Variants in CRB1 observed in about 807,000 individuals in gnomAD.
The protein encoded by CRB1 is crumbs cell polarity complex component 1.
A neutral mutation model predicts 120.0 loss-of-function variants in CRB1; 83 were observed. The observed-to-expected ratio is 0.69, with a 90% CI of 0.58 to 0.83. The LOEUF (loss-of-function observed/expected upper bound fraction) is 0.83, where lower values mean the gene tolerates loss of function less well. CRB1 is among the 40% of genes least tolerant of loss of function. The pLI is 0.00. For missense variants in CRB1, 1,699 were observed against 1,687.6 expected (o/e 1.01, Z -0.12); for synonymous variants, 625 against 612.5 (o/e 1.02, Z -0.30).
chr1:197,356,780 T>TGG lies in CRB1; in HGVS notation c.989-51_989-50insGG, dbSNP rs1363031705. 3 of 1,595,486 alleles carry TGG rather than the reference T, an allele frequency of 1.9e-6. No homozygotes were observed. The Admixed American group carries it at 5.0e-5, about 27-fold the overall frequency. On this transcript the variant is annotated intron_variant, in intron 4 of 11. Transcript: ENST00000367400. ...TCAACCTCCTTTTAGGCAAATGCTC[T>TGG]ATAATTCAACACCTTTGACTTAGCA... is the stretch of plus-strand genomic sequence containing the variant.
intron 5 of CRB1, among the ~76,000 whole-genome samples, chr1:197,409,979 G>T (rs972783172): frequency 6.6e-6 from 1 of 152,068 alleles, no homozygotes; most frequent in Non-Finnish European, 1.5e-5. Context: ...TAGAGACGGG[G>T]TTTCACCGTG....
At chr1:197,228,305 G>A in the CRB1 span, among the ~76,000 whole-genome samples, 3 of 151,952 alleles carry the variant, frequency 2.0e-5, no homozygotes, top group Admixed American at 1.3e-4. Flanking sequence ...GCTCTTTTTC[G>A]CTTTTGAAAT....
the CRB1 span, among the ~76,000 whole-genome samples, chr1:197,252,637 TACAC>T: frequency 1.7e-5 from 2 of 120,722 alleles, no homozygotes; most frequent in South Asian, 2.8e-4. Context: ...GTGTTTATAT[TACAC>T]ACACACACAC....
At chr1:197,459,168 G>A (rs1032764918) in intron 11 of CRB1, among the ~76,000 whole-genome samples, 1 of 152,086 alleles carries the variant, frequency 6.6e-6, no homozygotes, top group Non-Finnish European at 1.5e-5. Context: ...TTAAGAGAAA[G>A]ATTAGATGAT....
At chr1:197,384,754 A>G (rs1366664875) in intron 5 of CRB1, among the ~76,000 whole-genome samples, 1 of 152,132 alleles carries the variant, frequency 6.6e-6, no homozygotes, top group Non-Finnish European at 1.5e-5. Context: ...TTAATTGTTT[A>G]GCATTTACGG....
chr1:197,427,470 AT>A lies in CRB1; in HGVS notation c.2148del (p.Phe716LeufsTer38). 6.2e-7 allele frequency: 1 copy of A among 1,613,474 alleles called. No individual in the cohort carries two copies. Among genetic ancestry groups the A allele is most frequent in the South Asian group, 1.1e-5 (1 of 91,048 alleles). On this transcript the variant is annotated frameshift_variant, in exon 7 of 12. Transcript: ENST00000367400. LOFTEE classifies it high-confidence loss of function. ...NCLREYVAGR[F>X]GQDDSTGYVI... ...ACATTGAAGAGTATGTGGCAGGCAG[AT>A]TTGGCCAGGATGACTCCACTGGTTA... is the stretch of plus-strand genomic sequence containing the variant.
intron 5 of CRB1, among the ~76,000 whole-genome samples, chr1:197,405,962 G>GC (rs1026705677): frequency 1.3e-5 from 2 of 149,906 alleles, no homozygotes; most frequent in Non-Finnish European, 3.0e-5. Flanking sequence ...GGGGGGGTCA[G>GC]CCCCCCGCCC....
At chr1:197,265,313 TCTTTCTTCCTTCCTTTTGTC>T (rs370289600), upstream of CRB1, among the ~76,000 whole-genome samples, 886 of 151,702 alleles carry the variant, frequency 5.8e-3, 11 homozygotes, top group African/African-American at 0.018. Flanking sequence ...TTCTTTCCTT[TCTTTCTTCCTTCCTTTTGTC>T]CTTTCTTCCT....
At chr1:197,355,429 G>C (rs894845795) in intron 4 of CRB1, among the ~76,000 whole-genome samples, 8 of 152,234 alleles carry the variant, frequency 5.3e-5, no homozygotes, top group African/African-American at 1.9e-4. Context: ...GATGGGACCC[G>C]GCGCCGCGGA....
At chr1:197,415,174 G>A (rs1663913357) in intron 5 of CRB1, among the ~76,000 whole-genome samples, 1 of 152,126 alleles carries the variant, frequency 6.6e-6, no homozygotes, top group African/African-American at 2.4e-5. Flanking sequence ...GCACTTATTT[G>A]CCCACAAAGG....
intron 1 of CRB1, among the ~76,000 whole-genome samples, chr1:197,283,316 T>C (rs964171552): frequency 3.3e-5 from 5 of 151,646 alleles, no homozygotes; most frequent in Non-Finnish European, 1.5e-5. Flanking sequence ...TTAGTGGTGA[T>C]TGTGAGATTT....
chr1:197,217,685 T>C, the CRB1 span, among the ~76,000 whole-genome samples: 8 of 152,158 alleles, frequency 5.3e-5, no homozygotes, highest in African/African-American at 1.9e-4. Context: ...TGGGGAATTA[T>C]TGCTATTGGG....
chr1:197,319,812 A>G (rs763070845), intron 1 of CRB1, among the ~76,000 whole-genome samples: 2 of 152,118 alleles, frequency 1.3e-5, no homozygotes, highest in Non-Finnish European at 2.9e-5. Flanking sequence ...TTTGGTGGTT[A>G]CTATAGCAAT....
At chr1:197,351,224 G>T (rs1485190832) in intron 4 of CRB1, among the ~76,000 whole-genome samples, 1 of 150,286 alleles carries the variant, frequency 6.7e-6, no homozygotes, top group Non-Finnish European at 1.5e-5. Context: ...GCCGGGTGTG[G>T]TGTTGCATGC....
intron 1 of CRB1, among the ~76,000 whole-genome samples, chr1:197,325,480 AT>A (rs1383513597): frequency 6.6e-6 from 1 of 152,186 alleles, no homozygotes; most frequent in East Asian, 1.9e-4. Flanking sequence ...TATGTTCACA[AT>A]TCCTCTATTC....
chr1:197,284,648 A>G (rs1160101810), intron 1 of CRB1, among the ~76,000 whole-genome samples: 1 of 151,914 alleles, frequency 6.6e-6, no homozygotes, highest in Non-Finnish European at 1.5e-5. Context: ...GTCTTCAGCC[A>G]TTTCCAGAGA....
At chr1:197,473,410 C>G (rs1237013332) in intron 11 of CRB1, among the ~76,000 whole-genome samples, 1 of 152,098 alleles carries the variant, frequency 6.6e-6, no homozygotes, top group African/African-American at 2.4e-5. Context: ...CATGGAATAA[C>G]CTTGCTTGGG....
chr1:197,405,810 C>T (rs1044749412), intron 5 of CRB1, among the ~76,000 whole-genome samples: 3 of 151,794 alleles, frequency 2.0e-5, no homozygotes, highest in Non-Finnish European at 2.9e-5. Context: ...GTAGCTGCCC[C>T]GTCTGAGAAG....
At chr1:197,353,509 G>A (rs995101847) in intron 4 of CRB1, among the ~76,000 whole-genome samples, 7 of 152,148 alleles carry the variant, frequency 4.6e-5, no homozygotes, top group Non-Finnish European at 8.8e-5. Flanking sequence ...AAGTTGAATT[G>A]TGTTTCTTTA....
Sources: allele counts gnomAD v4.1 joint callset (sites outside exome capture counted in the v4.1 genomes callset), GRCh38; gene constraint gnomAD v4.1.1; transcripts MANE v1.5; gene names NCBI Gene and HGNC (gene_info 2026-07-23, HGNC 2026-07-21).